Variants in ANKRD17 observed in about 807,000 individuals in gnomAD.
The protein encoded by ANKRD17 is ankyrin repeat domain 17, also known as ankyrin repeat domain-containing protein 17.
ANKRD17 carries 19 observed loss-of-function variants against 229.7 expected under a neutral mutation model. The observed-to-expected ratio is 0.08, with a 90% CI of 0.06 to 0.12. The LOEUF (loss-of-function observed/expected upper bound fraction) is 0.12, where lower values mean the gene tolerates loss of function less well. ANKRD17 is among the 10% of genes least tolerant of loss of function. The pLI is 1.00. For missense variants in ANKRD17, 2,176 were observed against 3,176.8 expected, an observed-to-expected ratio of 0.68 and a Z score of 7.57; for synonymous variants, 1,112 against 1,146.1, an observed-to-expected ratio of 0.97 and a Z score of 0.60.
intron 1 of ANKRD17, among the ~76,000 whole-genome samples, chr4:73,206,090 T>C (rs1203680416): frequency 6.6e-6 from 1 of 151,880 alleles, no homozygotes; most frequent in African/African-American, 2.4e-5. Flanking sequence ...ATAGCAAGGA[T>C]TGGTAAGGAT....
chr4:73,112,332 T>C (rs1725420299), intron 24 of ANKRD17, among the ~76,000 whole-genome samples: 1 of 152,190 alleles, frequency 6.6e-6, no homozygotes. Context: ...GAATCAAATA[T>C]ATATTCTATC....
chr4:73,101,949 G>A (rs756440910), intron 25 of ANKRD17, among the ~76,000 whole-genome samples: 3 of 150,112 alleles, frequency 2.0e-5, no homozygotes, highest in Non-Finnish European at 4.4e-5. Flanking sequence ...TCTTTTTTTT[G>A]ATAGAAGGTC....
chr4:73,203,758 C>CAAGA (rs1739015166), intron 1 of ANKRD17, among the ~76,000 whole-genome samples: 1 of 82,166 alleles, frequency 1.2e-5, no homozygotes, highest in African/African-American at 5.2e-5. Context: ...GACTCCGTCT[C>CAAGA]AAAAAAAAAA....
intron 1 of ANKRD17, among the ~76,000 whole-genome samples, chr4:73,191,470 A>G (rs2149066063): frequency 6.6e-6 from 1 of 151,730 alleles, no homozygotes; most frequent in Non-Finnish European, 1.5e-5. Context: ...TGTTGTTGCT[A>G]TAATTTTGTA....
chr4:73,117,656 G>A (rs1040784419), intron 22 of ANKRD17, among the ~76,000 whole-genome samples: 2 of 152,084 alleles, frequency 1.3e-5, no homozygotes, highest in African/African-American at 4.8e-5. Context: ...GGAAGAAATA[G>A]CTTATTGTGA....
intron 12 of ANKRD17, 124 bp from the exon 13 acceptor site, chr4:73,142,509 C>T: frequency 1.9e-6 from 3 of 1,577,884 alleles, no homozygotes; most frequent in East Asian, 2.3e-5. Context: ...GTAAAGAACG[C>T]TTCAAGTGAA....
At chr4:73,171,278 A>G (rs1734007724) in intron 2 of ANKRD17, among the ~76,000 whole-genome samples, 1 of 151,786 alleles carries the variant, frequency 6.6e-6, no homozygotes, top group African/African-American at 2.4e-5. Flanking sequence ...CTACTTGGTA[A>G]TCCAGATAAT....
intron 30 of ANKRD17, among the ~76,000 whole-genome samples, chr4:73,081,606 C>T (rs180898423): frequency 3.7e-4 from 56 of 152,218 alleles, no homozygotes; most frequent in Non-Finnish European, 7.5e-4. Context: ...ATTAGAGAAA[C>T]AGGTTTCAGA....
intron 25 of ANKRD17, among the ~76,000 whole-genome samples, chr4:73,100,469 A>G (rs927822103): frequency 6.6e-6 from 1 of 151,596 alleles, no homozygotes; most frequent in Non-Finnish European, 1.5e-5. Flanking sequence ...AAAAAAAAAA[A>G]CATATATATA....
At chr4:73,251,516 G>T (rs1560789992) in intron 1 of ANKRD17, among the ~76,000 whole-genome samples, 1 of 151,524 alleles carries the variant, frequency 6.6e-6, no homozygotes, top group East Asian at 1.9e-4. Context: ...ATTCCCTAAT[G>T]ACTTACTTTT....
intron 28 of ANKRD17, among the ~76,000 whole-genome samples, chr4:73,092,980 A>G (rs1190278878): frequency 6.6e-6 from 1 of 152,192 alleles, no homozygotes; most frequent in Non-Finnish European, 1.5e-5. Context: ...GGGAGCAATT[A>G]CCAATAAAGG....
chr4:73,163,295 C>T (rs1245933436), intron 2 of ANKRD17, among the ~76,000 whole-genome samples: 7 of 152,276 alleles, frequency 4.6e-5, no homozygotes, highest in South Asian at 4.1e-4. Flanking sequence ...GGATTAAAAA[C>T]CTTTACCTCT....
chr4:73,127,143 A>G (rs1727577194), intron 16 of ANKRD17, among the ~76,000 whole-genome samples: 1 of 152,170 alleles, frequency 6.6e-6, no homozygotes, highest in Admixed American at 6.5e-5. Context: ...CCAAATTCAG[A>G]TATACTTTAA....
rs781516904 is a variant in ANKRD17 at position 73,155,621 on chromosome 4, T to C, written c.1000+10A>G. The C allele has an allele frequency of 9.9e-6, 16 of 1,612,696 alleles. No individual in the cohort carries two copies. The highest frequency in any genetic ancestry group is 1.6e-4 in the Middle Eastern group (1 of 6,082). ...CTATGTAGTAAAACTGAAAAAGAAA[T>C]AGGCATGACCTGTTGAAGACTGTGC... is the stretch of plus-strand genomic sequence containing the variant. On this transcript the variant is annotated intron_variant, in intron 5 of 33. Transcript: ENST00000358602.
intron 19 of ANKRD17, 99 bp downstream of exon 19, chr4:73,121,518 A>C (rs1726718904): frequency 1.4e-6 from 2 of 1,398,314 alleles, no homozygotes; most frequent in Non-Finnish European, 2.0e-6. Flanking sequence ...ATTTGTAATA[A>C]AGGGATTTAC....
intron 1 of ANKRD17, among the ~76,000 whole-genome samples, chr4:73,192,492 A>C (rs766847542): frequency 6.6e-6 from 1 of 152,138 alleles, no homozygotes; most frequent in Non-Finnish European, 1.5e-5. Context: ...TGGTAATCAA[A>C]GAATGAAATC....
At chr4:73,143,677 C>T (rs765050905) in intron 11 of ANKRD17, among the ~76,000 whole-genome samples, 2 of 152,114 alleles carry the variant, frequency 1.3e-5, no homozygotes, top group Non-Finnish European at 2.9e-5. Flanking sequence ...CTTGAGATTT[C>T]GTTACTATTA....
intron 1 of ANKRD17, among the ~76,000 whole-genome samples, chr4:73,248,752 T>A (rs896005282): frequency 1.3e-5 from 2 of 152,006 alleles, no homozygotes; most frequent in African/African-American, 4.8e-5. Context: ...AGCTATAATT[T>A]TAAATATAAT....
intron 2 of ANKRD17, among the ~76,000 whole-genome samples, chr4:73,174,585 CA>C (rs1371442052): frequency 1.3e-5 from 2 of 152,070 alleles, no homozygotes; most frequent in African/African-American, 4.8e-5. Context: ...CTAGCCAGAG[CA>C]ATCAGACAAG....
Sources: allele counts gnomAD v4.1 joint callset (sites outside exome capture counted in the v4.1 genomes callset), GRCh38; gene constraint gnomAD v4.1.1; transcripts MANE v1.5; gene names NCBI Gene and HGNC (gene_info 2026-07-23, HGNC 2026-07-21).